FHIT: variants seen among roughly 807,000 people sequenced by gnomAD.
FHIT encodes the protein bis(5'-adenosyl)-triphosphatase.
A neutral mutation model predicts 17.9 loss-of-function variants in FHIT; 19 were observed. The observed-to-expected ratio is 1.06, with a 90% CI of 0.74 to 1.56. The LOEUF is 1.56. Ranked by LOEUF, FHIT falls within the 40% of genes most tolerant of loss-of-function variation. The pLI is 0.00. For synonymous variants in FHIT, 81 were observed against 69.7 expected (o/e 1.16, Z -0.81); for missense variants, 248 against 189.2 (o/e 1.31, Z -1.82).
chr3:59,912,139 T>A (rs993749184), intron 8 of FHIT, among the ~76,000 whole-genome samples: 3 of 152,218 alleles, frequency 2.0e-5, no homozygotes, highest in Non-Finnish European at 4.4e-5. Context: ...CTTCATTGTA[T>A]CTACTAACTC....
chr3:60,593,676 G>C (rs1044166139), intron 4 of FHIT, among the ~76,000 whole-genome samples: 1 of 152,062 alleles, frequency 6.6e-6, no homozygotes, highest in African/African-American at 2.4e-5. Context: ...CTGACTATCT[G>C]TTCCTCCATT....
intron 2 of FHIT, among the ~76,000 whole-genome samples, chr3:61,161,315 C>A (rs1286376608): frequency 2.0e-5 from 3 of 151,904 alleles, no homozygotes; most frequent in Non-Finnish European, 4.4e-5. Context: ...GATTCTCTTG[C>A]CTCAGCCTCC....
intron 5 of FHIT, among the ~76,000 whole-genome samples, chr3:60,369,000 G>A (rs938595516): frequency 3.3e-5 from 5 of 151,204 alleles, no homozygotes; most frequent in South Asian, 2.1e-4. Flanking sequence ...TCCTGAGACC[G>A]CTCACTCTGT....
intron 3 of FHIT, among the ~76,000 whole-genome samples, chr3:60,941,400 A>G (rs959340287): frequency 2.2e-5 from 2 of 89,998 alleles, no homozygotes; most frequent in Non-Finnish European, 4.5e-5. Flanking sequence ...TCCATTCCAG[A>G]TAAGTCCAAC....
At chr3:59,802,258 A>G (rs1246235835) in intron 8 of FHIT, among the ~76,000 whole-genome samples, 1 of 151,968 alleles carries the variant, frequency 6.6e-6, no homozygotes, top group Non-Finnish European at 1.5e-5. Flanking sequence ...CGTCTGCCCT[A>G]TTCAGACAGA....
intron 7 of FHIT, among the ~76,000 whole-genome samples, chr3:59,955,789 T>C (rs1218567368): frequency 6.6e-6 from 1 of 152,200 alleles, no homozygotes; most frequent in Non-Finnish European, 1.5e-5. Context: ...ATTTGTGATA[T>C]ATATGTTAAC....
At chr3:60,713,634 A>G (rs2041601649) in intron 4 of FHIT, among the ~76,000 whole-genome samples, 1 of 152,224 alleles carries the variant, frequency 6.6e-6, no homozygotes, top group Non-Finnish European at 1.5e-5. Flanking sequence ...CTACCATCAG[A>G]GAATACTATA....
chr3:61,077,219 C>G (rs2034997051), intron 2 of FHIT, among the ~76,000 whole-genome samples: 1 of 152,040 alleles, frequency 6.6e-6, no homozygotes, highest in Non-Finnish European at 1.5e-5. Flanking sequence ...CGAAAGCCCC[C>G]AAGTGCAGTG....
chr3:60,293,469 C>G (rs1708075678), intron 5 of FHIT, among the ~76,000 whole-genome samples: 1 of 152,126 alleles, frequency 6.6e-6, no homozygotes, highest in Admixed American at 6.6e-5. Flanking sequence ...TAAGCGTATA[C>G]TTTATCGACC....
At chr3:60,678,242 A>G (rs557836704) in intron 4 of FHIT, among the ~76,000 whole-genome samples, 12 of 152,306 alleles carry the variant, frequency 7.9e-5, no homozygotes, top group African/African-American at 2.9e-4. Context: ...TGGTTATTAA[A>G]AGAAGACCTG....
chr3:59,800,682 T>G (rs1416435373), intron 8 of FHIT, among the ~76,000 whole-genome samples: 2 of 152,200 alleles, frequency 1.3e-5, no homozygotes, highest in Admixed American at 6.5e-5. Context: ...TGAAGACAGA[T>G]GTCACAATCA....
chr3:60,643,250 C>A lies in FHIT; in HGVS notation c.-17-106271G>T, dbSNP rs191499741. Among the ~76,000 whole-genome samples, 452 of 152,122 alleles carry A rather than the reference C, an allele frequency of 3.0e-3. 3 individuals carry two copies. The highest frequency in any genetic ancestry group is 0.01 in the African/African-American group (427 of 41,502). On this transcript the variant is annotated intron_variant, in intron 4 of 9. Transcript: ENST00000492590. ...ATTTTGTTTTCTTTCCCCCACCCCC[C>A]ACAGCATTAAATTACTGGAAACACA...
intron 2 of FHIT, among the ~76,000 whole-genome samples, chr3:61,069,232 A>T (rs1487333415): frequency 6.6e-6 from 1 of 152,196 alleles, no homozygotes; most frequent in Non-Finnish European, 1.5e-5. Flanking sequence ...GCTGCCTGGA[A>T]AAATGCTTGA....
At chr3:59,787,757 T>A (rs902597409) in intron 8 of FHIT, among the ~76,000 whole-genome samples, 15 of 152,312 alleles carry the variant, frequency 9.8e-5, no homozygotes, top group African/African-American at 3.6e-4. Context: ...ATTAGTCCCA[T>A]TGGACAAATG....
chr3:60,026,842 T>A (rs189070763), intron 5 of FHIT, among the ~76,000 whole-genome samples: 1 of 152,280 alleles, frequency 6.6e-6, no homozygotes, highest in African/African-American at 2.4e-5. Context: ...CTCACGCCTG[T>A]AATCCCAGCA....
At chr3:60,103,524 T>G (rs1462008673) in intron 5 of FHIT, among the ~76,000 whole-genome samples, 1 of 151,976 alleles carries the variant, frequency 6.6e-6, no homozygotes, top group Non-Finnish European at 1.5e-5. Flanking sequence ...TCTATGGGAG[T>G]GACCAGGAGC....
At chr3:60,426,124 A>G (rs2107279441) in intron 5 of FHIT, among the ~76,000 whole-genome samples, 1 of 152,218 alleles carries the variant, frequency 6.6e-6, no homozygotes, top group Non-Finnish European at 1.5e-5. Context: ...TTGAATCTCA[A>G]CTCTACCACT....
At chr3:60,153,589 C>T (rs963425422) in intron 5 of FHIT, among the ~76,000 whole-genome samples, 1 of 152,166 alleles carries the variant, frequency 6.6e-6, no homozygotes, top group African/African-American at 2.4e-5. Flanking sequence ...TACCCAGGCA[C>T]TGCTTTTCTT....
chr3:60,278,199 G>C (rs213357), intron 5 of FHIT, among the ~76,000 whole-genome samples: 65,419 of 152,046 alleles, frequency 0.43, 14,792 homozygotes, highest in South Asian at 0.63. Context: ...TGAGTTTTAT[G>C]TCCAAGAACC....
Sources: gnomAD v4.1 joint callset for allele counts (sites outside exome capture counted in the v4.1 genomes callset) on GRCh38, gnomAD v4.1.1 for gene constraint, MANE v1.5 for transcripts, NCBI Gene and HGNC (gene_info 2026-07-23, HGNC 2026-07-21) for gene names.